GARNL3: variants seen among roughly 807,000 people sequenced by gnomAD.
GARNL3 encodes the protein GTPase activating Rap/RanGAP domain like 3, also known as GTPase-activating Rap/Ran-GAP domain-like protein 3.
In GARNL3, 63 loss-of-function variants were observed where a neutral mutation model predicts 125.0. The observed-to-expected ratio is 0.50, with a 90% CI of 0.41 to 0.62. The LOEUF (loss-of-function observed/expected upper bound fraction) is 0.62. Among genes scored for constraint, GARNL3 ranks in the 20% least tolerant of loss-of-function variants. The pLI is 0.00. For synonymous variants in GARNL3, 439 were observed against 457.5 expected, an observed-to-expected ratio of 0.96 and a Z score of 0.52; for missense variants, 994 against 1,244.0, an observed-to-expected ratio of 0.80 and a Z score of 3.02.
At chr9:127,283,193 C>G (rs933491119) in intron 1 of GARNL3, among the ~76,000 whole-genome samples, 5 of 152,092 alleles carry the variant, frequency 3.3e-5, no homozygotes, top group Non-Finnish European at 7.4e-5. Context: ...GCATGAATGT[C>G]CAGCATGTCA....
At chr9:127,361,503 C>T (rs1353929590) in intron 21 of GARNL3, among the ~76,000 whole-genome samples, 1 of 152,188 alleles carries the variant, frequency 6.6e-6, no homozygotes, top group African/African-American at 2.4e-5. Context: ...AGCAAGAACC[C>T]CACCAGGCCC....
At chr9:127,240,096 A>G (rs2063177904) in intron 1 of GARNL3, among the ~76,000 whole-genome samples, 1 of 152,232 alleles carries the variant, frequency 6.6e-6, no homozygotes. Context: ...CTAGTTTAGA[A>G]AGAAAAGCAA....
chr9:127,251,241 T>A (rs1357098452), intron 2 of GARNL3, among the ~76,000 whole-genome samples: 6 of 152,236 alleles, frequency 3.9e-5, no homozygotes, highest in South Asian at 2.1e-4. Context: ...AACAGCCTGG[T>A]TGTTTTCTTG....
At chr9:127,272,278 G>A (rs938376077) in intron 1 of GARNL3, among the ~76,000 whole-genome samples, 1 of 149,812 alleles carries the variant, frequency 6.7e-6, no homozygotes, top group Non-Finnish European at 1.5e-5. Context: ...TCAGGGTTAA[G>A]TAGGGTTTTT....
At chr9:127,349,107 A>C in intron 17 of GARNL3, 72 bp downstream of exon 17, 1 of 1,010,142 alleles carries the variant, frequency 9.9e-7, no homozygotes, top group South Asian at 1.3e-5. Context: ...AGTGACCACC[A>C]ACCAACTCCC....
intron 1 of GARNL3, among the ~76,000 whole-genome samples, chr9:127,289,607 G>T (rs901505500): frequency 6.6e-6 from 1 of 152,194 alleles, no homozygotes; most frequent in African/African-American, 2.4e-5. Context: ...GACCACCCAC[G>T]TGGCTGACCT....
intron 22 of GARNL3, among the ~76,000 whole-genome samples, chr9:127,383,036 C>G (rs2131816113): frequency 6.6e-6 from 1 of 152,310 alleles, no homozygotes; most frequent in Admixed American, 6.5e-5. Flanking sequence ...TCACGCAGAC[C>G]TGTGTTCAAA....
chr9:127,299,335 A>G (rs531553215), intron 2 of GARNL3, among the ~76,000 whole-genome samples: 117 of 148,542 alleles, frequency 7.9e-4, no homozygotes, highest in African/African-American at 2.8e-3. Flanking sequence ...AAAAAGAAAG[A>G]GAAAAGTTAG....
intron 14 of GARNL3, 72 bp downstream of exon 14, chr9:127,342,406 G>C (rs1829909511): frequency 1.0e-6 from 1 of 997,744 alleles, no homozygotes; most frequent in African/African-American, 1.6e-5. Flanking sequence ...TCAACTCAGC[G>C]ATGAGGCCCT....
At position 127,387,246 on chromosome 9, in the gene GARNL3, C is replaced by T. The variant is rs1426445888; in HGVS notation, c.2442C>T (p.Gly814=). Residue 814 remains glycine, a synonymous_variant, in exon 25 of 28, where the codon GGC becomes GGT. Coordinates refer to ENST00000373387, the MANE Select transcript of GARNL3 (RefSeq NM_032293.5). ...CTGTGAATGAGGTCTCATCTGGAGGCAGCTCCAAGGGGGCCAGTGCCCGAA... is the reference window on the plus strand; with the variant it reads ...CTGTGAATGAGGTCTCATCTGGAGGTAGCTCCAAGGGGGCCAGTGCCCGAA... The part of the protein sequence containing the change: ...TAAVNEVSSG[G]SSKGASARNS... The T allele has an allele frequency of 6.2e-7, 1 of 1,614,040 alleles. No individual in the cohort carries two copies. The highest frequency in any genetic ancestry group is 8.5e-7 in the Non-Finnish European group (1 of 1,179,894).
rs1450192678 is a variant in GARNL3 at position 127,325,159 on chromosome 9, T to C, written c.594+64T>C. 2.0e-6 allele frequency: 3 copies of C among 1,501,790 alleles called. No homozygotes were observed. In the African/African-American group the frequency reaches 4.1e-5, roughly 21 times the overall value. The allele number at this position is 1,501,790 out of a possible 1,614,324, so 93.0% of individuals were successfully genotyped here. A position where few individuals can be genotyped will look rare whatever the true frequency, so the allele number is the denominator to read the frequency against. On this transcript the variant is annotated intron_variant, in intron 7 of 27. Transcript: ENST00000373387. ...TCCATGTTTGTAAATATATTTCTCC[T>C]TTCACTGTGAACCCAGCCTTTGCTT...
At chr9:127,309,120 G>GT (rs1328899197) in intron 2 of GARNL3, among the ~76,000 whole-genome samples, 1 of 152,000 alleles carries the variant, frequency 6.6e-6, no homozygotes, top group Non-Finnish European at 1.5e-5. Context: ...TTTCACCTAC[G>GT]TTTTTACTCC....
intron 2 of GARNL3, among the ~76,000 whole-genome samples, chr9:127,250,007 G>GA (rs910427556): frequency 1.1e-4 from 16 of 151,780 alleles, no homozygotes; most frequent in South Asian, 2.1e-4. Flanking sequence ...AACTCCGTGT[G>GA]AAAAAAAAGA....
At chr9:127,272,560 A>T (rs1222157930) in intron 1 of GARNL3, among the ~76,000 whole-genome samples, 1 of 151,728 alleles carries the variant, frequency 6.6e-6, no homozygotes, top group Non-Finnish European at 1.5e-5. Flanking sequence ...GCTCACTGCA[A>T]CCTCTGCCTC....
chr9:127,325,078 G>C lies in GARNL3; in HGVS notation c.577G>C (p.Val193Leu), dbSNP rs748018589. Reference protein sequence around the residue: ...FHPEIQKDLLVLEEQEGSVNF... With the variant: ...FHPEIQKDLLLLEEQEGSVNF... ...AAACTTTATTTGACAGGACTTGCTGGTTCTTGAAGAACAAGAGGTGAGTAA... is the reference window on the plus strand; with the variant it reads ...AAACTTTATTTGACAGGACTTGCTGCTTCTTGAAGAACAAGAGGTGAGTAA... The change falls in exon 7 of 28, where the codon GTT becomes CTT. Residue 193 changes from valine to leucine, a missense_variant. Coordinates refer to ENST00000373387, the MANE Select transcript of GARNL3 (RefSeq NM_032293.5). 1 of 1,613,516 alleles carries C rather than the reference G, an allele frequency of 6.2e-7. No homozygotes were observed. Among genetic ancestry groups the C allele is most frequent in the South Asian group, 1.1e-5 (1 of 91,050 alleles).
chr9:127,287,531 C>T (rs2131357082), intron 1 of GARNL3, among the ~76,000 whole-genome samples: 1 of 152,210 alleles, frequency 6.6e-6, no homozygotes, highest in South Asian at 2.1e-4. Context: ...CCTTTCACAG[C>T]AGCTGACGTA....
At chr9:127,254,828 G>T (rs1011514879) in intron 2 of GARNL3, among the ~76,000 whole-genome samples, 7 of 151,772 alleles carry the variant, frequency 4.6e-5, no homozygotes, top group African/African-American at 1.7e-4. Context: ...AAAAAAGGAG[G>T]GGGACAAAAG....
chr9:127,389,887 C>T (rs1165392659), intron 26 of GARNL3, among the ~76,000 whole-genome samples: 1 of 143,364 alleles, frequency 7.0e-6, no homozygotes, highest in Non-Finnish European at 1.5e-5. Flanking sequence ...CACCACTGCA[C>T]TCCAGCCTGG....
At chr9:127,386,894 G>A (rs988611169) in intron 24 of GARNL3, among the ~76,000 whole-genome samples, 1 of 152,254 alleles carries the variant, frequency 6.6e-6, no homozygotes, top group Non-Finnish European at 1.5e-5. Context: ...TGTTAGGGAA[G>A]TGTGTGCTGT....
Sources: allele counts gnomAD v4.1 joint callset (sites outside exome capture counted in the v4.1 genomes callset), GRCh38; gene constraint gnomAD v4.1.1; transcripts MANE v1.5; gene names NCBI Gene and HGNC (gene_info 2026-07-23, HGNC 2026-07-21).